C3: variants seen among roughly 807,000 people sequenced by gnomAD.
The protein encoded by C3 is C3 and PZP-like alpha-2-macroglobulin domain-containing protein 1.
In C3, 97 loss-of-function variants were observed where a neutral mutation model predicts 207.9. That is an observed-to-expected ratio of 0.47 (90% CI 0.40 to 0.55). The LOEUF is 0.55. Among genes scored for constraint, C3 ranks in the 20% least tolerant of loss-of-function variants. C3 has a pLI of 0.00. For missense variants in C3, 1,684 were observed against 2,171.7 expected, an observed-to-expected ratio of 0.78 and a Z score of 4.46; for synonymous variants, 848 against 857.6, an observed-to-expected ratio of 0.99 and a Z score of 0.20.
chr19:6,707,501 C>G lies in C3; in HGVS notation c.2012G>C (p.Arg671Pro). ...QCPQPAARRR[R>P]SVQLTEKRMD... The stretch of plus-strand genomic sequence containing the variant: ...TCGCTTCTCCGTGAGCTGCACGGAA[C>G]GGCGTCGGCGGGCGGCTGGCTGCGG... Residue 671 changes from arginine (R) to proline (P), a missense_variant, in exon 16 of 41, where the codon CGT becomes CCT. By Grantham distance (103) the Arg-to-Pro change is moderately radical. Coordinates refer to ENST00000245907, the MANE Select transcript of C3 (RefSeq NM_000064.4). 1.2e-6 allele frequency: 2 copies of G among 1,614,092 alleles called. No homozygotes were observed. The highest frequency in any genetic ancestry group is 1.1e-5 in the South Asian group (1 of 91,076).
At chr19:6,715,253 T>C (rs981521561) in intron 4 of C3, among the ~76,000 whole-genome samples, 4 of 152,078 alleles carry the variant, frequency 2.6e-5, no homozygotes, top group Non-Finnish European at 2.9e-5. Flanking sequence ...AGTGGGAAGA[T>C]TGCTCAAGGT....
chr19:6,703,890 G>A (rs1365511795), intron 17 of C3, among the ~76,000 whole-genome samples: 1 of 152,146 alleles, frequency 6.6e-6, no homozygotes, highest in East Asian at 1.9e-4. Flanking sequence ...GGAGGTTACA[G>A]TGAGCCGAGA....
chr19:6,708,007 T>A (rs1967819004), intron 14 of C3, 78 bp from the exon 15 acceptor site: 1 of 1,570,738 alleles, frequency 6.4e-7, no homozygotes, highest in Non-Finnish European at 8.7e-7. Context: ...CACCTGTGTA[T>A]CTCTTCCCAA....
chr19:6,677,820 A>C lies in C3; in HGVS notation c.*62T>G. The stretch of plus-strand genomic sequence containing the variant: ...GATTTCAGCCTCTCCCTCTTGGCAA[A>C]GAACTCCAGACACGTGAGATATAAC... On this transcript the variant is annotated 3_prime_UTR_variant, in exon 41 of 41. Transcript: ENST00000245907. 1 of 1,603,940 alleles carries C rather than the reference A, an allele frequency of 6.2e-7. No homozygotes were observed. The highest frequency in any genetic ancestry group is 1.3e-5 in the African/African-American group (1 of 74,884).
intron 16 of C3, 78 bp from the exon 17 acceptor site, chr19:6,707,351 G>A: frequency 6.3e-7 from 1 of 1,599,810 alleles, no homozygotes; most frequent in Non-Finnish European, 8.6e-7. Flanking sequence ...CGGACCCCAG[G>A]GAGGACTTCC....
In C3 at chr19:6,719,249, T is replaced by A; in HGVS notation, c.229A>T (p.Thr77Ser). The A allele has an allele frequency of 6.2e-7, 1 of 1,613,682 alleles. No individual in the cohort carries two copies. Among genetic ancestry groups the A allele is most frequent in the Middle Eastern group, 1.7e-4 (1 of 6,060 alleles). ...LVLSSEKTVL[T>S]PATNHMGNVT... Reference sequence around the variant, plus strand: ...TTGCCCATGTGGTTGGTGGCAGGGGTCAGCACAGTCTTCTCACTGGACAGC... The same window carrying A: ...TTGCCCATGTGGTTGGTGGCAGGGGACAGCACAGTCTTCTCACTGGACAGC... Residue 77 changes from threonine to serine, a missense_variant, in exon 2 of 41, where the codon ACC becomes TCC. Transcript: ENST00000245907. The surrounding 1 kb of genome is among the most constrained non-coding windows in gnomAD (Gnocchi z 5.4).
chr19:6,695,574 C>G (rs1967514283), intron 23 of C3, among the ~76,000 whole-genome samples: 1 of 152,104 alleles, frequency 6.6e-6, no homozygotes, highest in South Asian at 2.1e-4. Flanking sequence ...ACGCCTCCCA[C>G]GTTCAATCGA....
chr19:6,685,164 G>T lies in C3; in HGVS notation c.3811-18C>A, dbSNP rs746633515. On this transcript the variant is annotated intron_variant, in intron 29 of 40. Coordinates refer to ENST00000245907, the MANE Select transcript of C3 (RefSeq NM_000064.4). ...AAGGTGGCCTAGAACCCACAAGAGAGAAAGATGGTGATCTGGGAGCCTGGG... is the reference window on the plus strand; with the variant it reads ...AAGGTGGCCTAGAACCCACAAGAGATAAAGATGGTGATCTGGGAGCCTGGG... 4 of 1,612,226 alleles carry T rather than the reference G, an allele frequency of 2.5e-6. No homozygotes were observed. In the South Asian group the frequency reaches 3.3e-5, roughly 13 times the overall value.
rs1967797090 is a variant in C3 at position 6,707,171 on chromosome 19, C to CAAGAAG, written c.2149_2150insCTTCTT (p.Gly717delinsAlaSerCys). The CAAGAAG allele has an allele frequency of 6.2e-7, 1 of 1,613,672 alleles. No individual in the cohort carries two copies. The highest frequency in any genetic ancestry group is 1.3e-5 in the African/African-American group (1 of 74,888). Reference sequence around the variant, plus strand: ...CAGGAAGACCTTCTTGCACGCCTCGCCCAGGGAGATGAAACGGGTCCGGCG... The same window carrying CAAGAAG: ...CAGGAAGACCTTCTTGCACGCCTCGCAAGAAGCCAGGGAGATGAAACGGGTCCGGCG... On this transcript the variant is annotated protein_altering_variant, in exon 17 of 41. Transcript: ENST00000245907.
intron 1 of C3, 74 bp downstream of exon 1, chr19:6,720,442 G>A: frequency 5.6e-6 from 6 of 1,077,568 alleles, no homozygotes; most frequent in Non-Finnish European, 2.8e-6. Flanking sequence ...GAATTCTACA[G>A]GGACCTGGAC....
chr19:6,686,959 A>T, intron 27 of C3, 57 bp from the exon 28 acceptor site: 1 of 1,562,138 alleles, frequency 6.4e-7, no homozygotes, highest in Non-Finnish European at 8.8e-7. Flanking sequence ...CACGTTAGTA[A>T]GGATCATTCG....
chr19:6,707,958 C>T, intron 14 of C3, 29 bp from the exon 15 acceptor site: 1 of 1,611,848 alleles, frequency 6.2e-7, no homozygotes, highest in Non-Finnish European at 8.5e-7. Flanking sequence ...TGGCGGGACG[C>T]AGGGAGGCCA....
Position 6,709,655 on chromosome 19 carries a change from CTCAGCAGCCTTGGG to C in C3, c.1845+15_1845+28del, listed in dbSNP as rs768674481. ...CCCCAGCTCCGTGCCTCCGCCTCTT[CTCAGCAGCCTTGGG>C]TCACTGGCCCTTACCTTACTCTGCG... On this transcript the variant is annotated intron_variant, in intron 14 of 40. Transcript: ENST00000245907. 1.3e-5 allele frequency: 19 copies of C among 1,466,658 alleles called. No homozygotes were observed. Among genetic ancestry groups the C allele is most frequent in the Non-Finnish European group, 1.8e-5 (19 of 1,073,234 alleles). The allele number at this position is 1,466,658 out of a possible 1,614,324, so 90.9% of individuals were successfully genotyped here.
chr19:6,708,069 C>CCTTTCT (rs970910748), intron 14 of C3, 140 bp from the exon 15 acceptor site: 1 of 911,048 alleles, frequency 1.1e-6, no homozygotes, highest in African/African-American at 1.6e-5. Flanking sequence ...TTCTGCCCTT[C>CCTTTCT]CTTTCTCTTT....
Position 6,686,770 on chromosome 19 carries a change from TAAG to T in C3, c.3619_3621del (p.Leu1207del). 2 of 1,614,084 alleles carry T rather than the reference TAAG, an allele frequency of 1.2e-6. No individual in the cohort carries two copies. Among genetic ancestry groups the T allele is most frequent in the Non-Finnish European group, 1.7e-6 (2 of 1,180,032 alleles). ...CCTTTGGCTGTGGTCAGAAATTTGT[TAAG>T]AAGAGGCCCCTTCAGCCTGCCCATC... On this transcript the variant is annotated inframe_deletion, in exon 28 of 41. Transcript: ENST00000245907.
chr19:6,718,464 C>G (rs755933545), intron 2 of C3, 52 bp from the exon 3 acceptor site: 1 of 1,601,810 alleles, frequency 6.2e-7, no homozygotes, highest in Admixed American at 1.7e-5. Flanking sequence ...CCCATGCCCA[C>G]GGTCCAGCTT....
chr19:6,683,761 A>G lies in C3; in HGVS notation c.4172+627T>C, dbSNP rs11569544. The stretch of plus-strand genomic sequence containing the variant: ...CCGCCACACCCGGCCATTTCCCTGT[A>G]TCTTTATAACTGGCAGTATGATAAT... On this transcript the variant is annotated intron_variant, in intron 33 of 40. Transcript: ENST00000245907. Among the ~76,000 whole-genome samples, 104 of 152,312 alleles carry G rather than the reference A, an allele frequency of 6.8e-4. 2 individuals are homozygous for G. The East Asian group carries it at 0.016, about 23-fold the overall frequency.
At chr19:6,710,562 A>T in intron 13 of C3, 77 bp downstream of exon 13, 1 of 1,104,604 alleles carries the variant, frequency 9.1e-7, no homozygotes, top group Non-Finnish European at 1.3e-6. Context: ...AGAGAGAGAG[A>T]GAGGAGACAG....
intron 11 of C3, among the ~76,000 whole-genome samples, chr19:6,711,991 C>T (rs1428936216): frequency 6.6e-6 from 1 of 152,114 alleles, no homozygotes; most frequent in Non-Finnish European, 1.5e-5. Flanking sequence ...TCCATGCAGA[C>T]GGCAGGACCC....
Sources: allele counts gnomAD v4.1 joint callset (sites outside exome capture counted in the v4.1 genomes callset), GRCh38; gene constraint gnomAD v4.1.1; non-coding constraint Gnocchi (gnomAD v3.1); transcripts MANE v1.5; gene names NCBI Gene and HGNC (gene_info 2026-07-23, HGNC 2026-07-21).